The following EPHA6 variants were observed in gnomAD, a reference collection of about 807,000 sequenced individuals.
The protein encoded by EPHA6 is ephrin type-A receptor 6.
EPHA6 carries 50 observed loss-of-function variants against 112.0 expected under a neutral mutation model. The observed-to-expected ratio is 0.45, with a 90% CI of 0.36 to 0.56. EPHA6 has a LOEUF of 0.56. Ranked by LOEUF, EPHA6 falls within the 20% of genes least tolerant of loss-of-function variation. The pLI is 0.00. For synonymous variants in EPHA6, 529 were observed against 490.7 expected (o/e 1.08, Z -1.03); for missense variants, 1,280 against 1,417.4 (o/e 0.90, Z 1.56).
chr3:97,653,448 A>G (rs2094119612), intron 14 of EPHA6, among the ~76,000 whole-genome samples: 1 of 152,040 alleles, frequency 6.6e-6, no homozygotes, highest in Non-Finnish European at 1.5e-5. Flanking sequence ...TAAAAACGCA[A>G]TAAGATATCA....
chr3:97,694,556 T>C (rs1338012768), intron 14 of EPHA6, among the ~76,000 whole-genome samples: 1 of 152,176 alleles, frequency 6.6e-6, no homozygotes, highest in African/African-American at 2.4e-5. Flanking sequence ...CTTTCATATC[T>C]AATATTCTAT....
chr3:97,316,805 C>T (rs1301343194), intron 5 of EPHA6, among the ~76,000 whole-genome samples: 1 of 151,494 alleles, frequency 6.6e-6, no homozygotes, highest in Non-Finnish European at 1.5e-5. Context: ...GGGAAGTAAT[C>T]AGTAAAGCTT....
chr3:97,389,984 C>T (rs1264294439), intron 5 of EPHA6, among the ~76,000 whole-genome samples: 3 of 152,056 alleles, frequency 2.0e-5, no homozygotes, highest in Non-Finnish European at 2.9e-5. Flanking sequence ...TTGTGAACAA[C>T]AATTACTAAC....
At chr3:97,633,878 T>C (rs1242578061) in intron 13 of EPHA6, among the ~76,000 whole-genome samples, 1 of 152,102 alleles carries the variant, frequency 6.6e-6, no homozygotes, top group East Asian at 1.9e-4. Flanking sequence ...CTATACCTCA[T>C]GTATGAATAA....
At chr3:97,187,688 GGAAAGAAAGAAAGAAA>G (rs71113853) in intron 3 of EPHA6, among the ~76,000 whole-genome samples, 1,611 of 108,068 alleles carry the variant, frequency 0.015, 19 homozygotes, top group African/African-American at 0.038. Flanking sequence ...AAAGAAAGAA[GGAAAGAAAGAAAGAAA>G]GAAAGAAAGA....
chr3:97,595,230 G>C (rs1351978813), intron 12 of EPHA6, among the ~76,000 whole-genome samples: 2 of 152,110 alleles, frequency 1.3e-5, no homozygotes, highest in African/African-American at 2.4e-5. Context: ...CATAGTAAAG[G>C]GTTATTATTC....
At chr3:97,080,122 T>A (rs955773948) in intron 3 of EPHA6, among the ~76,000 whole-genome samples, 5 of 152,128 alleles carry the variant, frequency 3.3e-5, no homozygotes, top group African/African-American at 4.8e-5. Context: ...AATTTACCAA[T>A]GCTTCTTATA....
chr3:97,403,692 C>T (rs1249536382), intron 5 of EPHA6, among the ~76,000 whole-genome samples: 3 of 152,234 alleles, frequency 2.0e-5, no homozygotes, highest in South Asian at 2.1e-4. Flanking sequence ...GTGATCTGCC[C>T]GCCTCGGCCT....
At chr3:97,564,263 CA>C (rs2093230871) in intron 11 of EPHA6, among the ~76,000 whole-genome samples, 1 of 151,928 alleles carries the variant, frequency 6.6e-6, no homozygotes, top group African/African-American at 2.4e-5. Context: ...CATAAGTGTA[CA>C]AAAAAAGTTT....
At chr3:97,457,992 C>T (rs558944984) in intron 7 of EPHA6, among the ~76,000 whole-genome samples, 1 of 125,824 alleles carries the variant, frequency 7.9e-6, no homozygotes, top group South Asian at 2.8e-4. Context: ...GGCGTGAACC[C>T]GGGAGGCGGA....
At chr3:97,235,322 G>A (rs2078648579) in intron 4 of EPHA6, among the ~76,000 whole-genome samples, 1 of 152,068 alleles carries the variant, frequency 6.6e-6, no homozygotes, top group African/African-American at 2.4e-5. Context: ...GAGTTAGCCA[G>A]TATTATTGCT....
chr3:96,929,355 T>C (rs1473396765), intron 2 of EPHA6, among the ~76,000 whole-genome samples: 1 of 152,238 alleles, frequency 6.6e-6, no homozygotes, highest in African/African-American at 2.4e-5. Flanking sequence ...CAGTGTGTTT[T>C]AATATTGGCT....
intron 3 of EPHA6, among the ~76,000 whole-genome samples, chr3:97,189,896 G>A (rs906680218): frequency 7.2e-5 from 11 of 152,096 alleles, no homozygotes; most frequent in Admixed American, 1.3e-4. Context: ...ATTTTTACGT[G>A]CTATTCCATG....
At chr3:96,989,800 A>G (rs1050989373) in intron 3 of EPHA6, among the ~76,000 whole-genome samples, 2 of 152,124 alleles carry the variant, frequency 1.3e-5, no homozygotes, top group Non-Finnish European at 2.9e-5. Context: ...TGAGAACAGC[A>G]AAAAGGAAGT....
At chr3:97,521,326 A>T (rs2092539484) in intron 10 of EPHA6, among the ~76,000 whole-genome samples, 1 of 151,718 alleles carries the variant, frequency 6.6e-6, no homozygotes. Flanking sequence ...AGCCACTTGT[A>T]TTAGTTCATT....
At chr3:97,651,571 G>T (rs2094107687) in intron 14 of EPHA6, among the ~76,000 whole-genome samples, 2 of 152,042 alleles carry the variant, frequency 1.3e-5, no homozygotes, top group African/African-American at 4.8e-5. Flanking sequence ...GCCAGTCACA[G>T]TTCTCAAGAT....
At chr3:97,642,831 G>A (rs545875240) in intron 14 of EPHA6, among the ~76,000 whole-genome samples, 86 of 151,494 alleles carry the variant, frequency 5.7e-4, no homozygotes, top group African/African-American at 2.0e-3. Flanking sequence ...ACCTGAAAGT[G>A]TTGGGGAGAA....
intron 3 of EPHA6, among the ~76,000 whole-genome samples, chr3:97,218,429 A>G (rs2078094710): frequency 6.6e-6 from 1 of 152,156 alleles, no homozygotes; most frequent in South Asian, 2.1e-4. Context: ...GGAAACTTAC[A>G]ATTGTGGCGG....
Position 97,109,461 on chromosome 3 carries a change from G to T in EPHA6, c.1115-116803G>T, listed in dbSNP as rs183670051. Among the ~76,000 whole-genome samples the T allele has an allele frequency of 4.6e-3, 707 of 152,268 alleles. 6 individuals carry two copies. Among genetic ancestry groups the T allele is most frequent in the African/African-American group, 0.015 (631 of 41,558 alleles). ...TTCTACTTGCATGGGAAGGAGAGTT[G>T]TGTTAAGGATTTATAGCTTCATGAA... On this transcript the variant is annotated intron_variant, in intron 3 of 17. Transcript: ENST00000389672.
Sources: allele counts gnomAD v4.1 joint callset (sites outside exome capture counted in the v4.1 genomes callset), GRCh38; gene constraint gnomAD v4.1.1; transcripts MANE v1.5; gene names NCBI Gene and HGNC (gene_info 2026-07-23, HGNC 2026-07-21).